The following TMC1 variants were observed in gnomAD, a reference collection of about 807,000 sequenced individuals.
The protein encoded by TMC1 is transmembrane channel-like protein 1.
Under a neutral mutation model 105.8 loss-of-function variants are expected in TMC1, and 84 were observed. That is an observed-to-expected ratio of 0.79 (90% confidence interval 0.67 to 0.95). TMC1 has a LOEUF of 0.95. TMC1 is among the 40% of genes least tolerant of loss of function. The probability of loss-of-function intolerance (pLI) is 0.00; values close to 1 mark genes in which losing one functional copy is unlikely to be tolerated. For missense variants in TMC1, 817 were observed against 914.1 expected, an observed-to-expected ratio of 0.89 and a Z score of 1.37; for synonymous variants, 315 against 311.5, an observed-to-expected ratio of 1.01 and a Z score of -0.12.
At chr9:72,771,122 G>A (rs747955291) in intron 12 of TMC1, among the ~76,000 whole-genome samples, 6 of 152,146 alleles carry the variant, frequency 3.9e-5, no homozygotes, top group Non-Finnish European at 8.8e-5. Context: ...AGGCCTGTGT[G>A]GCCCAGGGAA....
intron 1 of TMC1, among the ~76,000 whole-genome samples, chr9:72,571,097 C>A (rs981731971): frequency 6.8e-6 from 1 of 147,846 alleles, no homozygotes; most frequent in Non-Finnish European, 1.5e-5. Flanking sequence ...CCAAGGCAGG[C>A]GGATCATTTG....
intron 12 of TMC1, among the ~76,000 whole-genome samples, chr9:72,759,735 T>A (rs2118083696): frequency 6.6e-6 from 1 of 152,314 alleles, no homozygotes. Context: ...ATAGAGGTGC[T>A]CTTCGATATC....
chr9:72,539,092 C>A lies in TMC1; in HGVS notation c.-428+17179C>A, dbSNP rs58540111. 4.4e-3 allele frequency among the ~76,000 whole-genome samples: 466 copies of A among 106,732 alleles called. 5 individuals carry two copies. Among genetic ancestry groups the A allele is most frequent in the African/African-American group, 0.021 (449 of 21,432 alleles). The allele number at this position is 106,732 out of a possible 152,430, so 70.0% of individuals were successfully genotyped here. ...TGAATGCTGTGTTGCTTAGAAATTT[C>A]TTCTGCTGCTGGGCATGGTGACTCA... On this transcript the variant is annotated intron_variant, in intron 1 of 23. Transcript: ENST00000297784.
intron 2 of TMC1, among the ~76,000 whole-genome samples, chr9:72,601,342 C>T (rs1019384938): frequency 1.3e-5 from 2 of 150,796 alleles, no homozygotes. Context: ...CCTGTCTCTA[C>T]AAAAAATATT....
intron 10 of TMC1, among the ~76,000 whole-genome samples, chr9:72,743,368 C>CAAAAAAAA (rs57505302): frequency 9.1e-6 from 1 of 110,184 alleles, no homozygotes; most frequent in Non-Finnish European, 2.1e-5. Flanking sequence ...CTCCGTCTCA[C>CAAAAAAAA]AAAAAAAAAA....
At chr9:72,626,097 G>A (rs1274864891) in intron 3 of TMC1, among the ~76,000 whole-genome samples, 2 of 152,164 alleles carry the variant, frequency 1.3e-5, no homozygotes, top group East Asian at 3.9e-4. Flanking sequence ...AGCTAGTCAA[G>A]TCTTCCCAGC....
At chr9:72,587,310 C>T (rs1587975407) in intron 2 of TMC1, among the ~76,000 whole-genome samples, 1 of 152,204 alleles carries the variant, frequency 6.6e-6, no homozygotes, top group East Asian at 1.9e-4. Flanking sequence ...AGGCATGCGC[C>T]ACCACGCCCA....
chr9:72,747,795 C>T (rs1180041416), intron 10 of TMC1, among the ~76,000 whole-genome samples: 3 of 152,148 alleles, frequency 2.0e-5, no homozygotes, highest in African/African-American at 7.2e-5. Context: ...GGGGTTTCAA[C>T]ATGTTGACCA....
rs34028814 is a variant in TMC1, at chr9:72,672,823, AACACACACACAC to A, written c.17-15857_17-15846del. Reference sequence around the variant, plus strand: ...TCAGGAATTCGAGACAAGCCTGGGCAACACACACACACACACACACACACACACACACACACA... The same window carrying A: ...TCAGGAATTCGAGACAAGCCTGGGCAACACACACACACACACACACACACA... On this transcript the variant is annotated intron_variant, in intron 5 of 23. Transcript: ENST00000297784. Among the ~76,000 whole-genome samples the A allele has an allele frequency of 3.4e-4, 48 of 139,920 alleles. No homozygotes were observed. The Middle Eastern group carries it at 0.01, about 31-fold the overall frequency. The allele number at this position is 139,920 out of a possible 152,430, so 91.8% of individuals were successfully genotyped here. A position where few individuals can be genotyped will look rare whatever the true frequency, so the allele number is the denominator to read the frequency against.
chr9:72,798,022 G>A (rs1828402462), intron 17 of TMC1, among the ~76,000 whole-genome samples: 1 of 151,908 alleles, frequency 6.6e-6, no homozygotes, highest in Admixed American at 6.6e-5. Context: ...AAATTTACAA[G>A]AAAAAAACTG....
In TMC1 at chr9:72,805,426, C is replaced by T. The variant is rs777364081; in HGVS notation, c.1611C>T (p.Val537=). 21 of 1,613,776 alleles carry T rather than the reference C, an allele frequency of 1.3e-5. No individual in the cohort carries two copies. Among genetic ancestry groups the T allele is most frequent in the Non-Finnish European group, 1.6e-5 (19 of 1,179,942 alleles). Reference sequence around the variant, plus strand: ...TCTCTGATGTTCTGACCACCTACGTCACAATCCTCATTGGGGACTTTCTAA... The same window carrying T: ...TCTCTGATGTTCTGACCACCTACGTTACAATCCTCATTGGGGACTTTCTAA... ...LTVSDVLTTY[V]TILIGDFLRA... Residue 537 remains valine, a synonymous_variant, in exon 18 of 24, where the codon GTC becomes GTT. Coordinates refer to ENST00000297784, the MANE Select transcript of TMC1 (RefSeq NM_138691.3).
intron 1 of TMC1, among the ~76,000 whole-genome samples, chr9:72,530,819 A>G (rs529508788): frequency 1.6e-4 from 21 of 132,908 alleles, no homozygotes; most frequent in South Asian, 7.3e-4. Flanking sequence ...GTTTTCTGCC[A>G]TGATTTTTTT....
intron 10 of TMC1, among the ~76,000 whole-genome samples, chr9:72,750,364 T>G (rs1468312134): frequency 6.6e-6 from 1 of 152,162 alleles, no homozygotes; most frequent in Non-Finnish European, 1.5e-5. Context: ...ACTGAAGGTG[T>G]TTGTTGTTTT....
chr9:72,713,761 G>C (rs896826344), intron 8 of TMC1, among the ~76,000 whole-genome samples: 1 of 143,682 alleles, frequency 7.0e-6, no homozygotes, highest in Non-Finnish European at 1.5e-5. Context: ...TTGTATCTCT[G>C]TCTCCTTCAG....
intron 1 of TMC1, among the ~76,000 whole-genome samples, chr9:72,575,728 G>T (rs1824368265): frequency 6.6e-6 from 1 of 152,116 alleles, no homozygotes; most frequent in African/African-American, 2.4e-5. Context: ...CAGCTTTTGG[G>T]GTGGCCCTGG....
rs1193178742 is a variant in TMC1 at position 72,532,487 on chromosome 9, G to A, written c.-428+10574G>A. ...ATCTGGGAGGCAGAGGTTGCAGTGAGCCGAGATCGTGCCACTGTACTCCAG... is the reference window on the plus strand; with the variant it reads ...ATCTGGGAGGCAGAGGTTGCAGTGAACCGAGATCGTGCCACTGTACTCCAG... On this transcript the variant is annotated intron_variant, in intron 1 of 23. Coordinates refer to ENST00000297784, the MANE Select transcript of TMC1 (RefSeq NM_138691.3). Among the ~76,000 whole-genome samples the A allele has an allele frequency of 2.3e-5, 3 of 128,926 alleles. No homozygotes were observed. The Admixed American group carries it at 2.7e-4, about 12-fold the overall frequency. The allele number at this position is 128,926 out of a possible 152,430, so 84.6% of individuals were successfully genotyped here.
intron 14 of TMC1, 77 bp from the exon 15 acceptor site, chr9:72,789,046 G>A: frequency 7.1e-7 from 1 of 1,406,108 alleles, no homozygotes; most frequent in Non-Finnish European, 1.0e-6. Flanking sequence ...TAACTTTTGA[G>A]GTTTTGATAC....
chr9:72,569,142 T>G (rs920267651), intron 1 of TMC1, among the ~76,000 whole-genome samples: 2 of 152,230 alleles, frequency 1.3e-5, no homozygotes, highest in Admixed American at 1.3e-4. Flanking sequence ...AGTATTTGCA[T>G]ACAGCCTATG....
intron 5 of TMC1, among the ~76,000 whole-genome samples, chr9:72,685,362 AT>A (rs35423971): frequency 0.17 from 21,499 of 125,354 alleles, 1,697 homozygotes; most frequent in Non-Finnish European, 0.19. Context: ...CGCCTTGGCC[AT>A]TTTTTTTTTT....
Sources: allele counts gnomAD v4.1 joint callset (sites outside exome capture counted in the v4.1 genomes callset), GRCh38; gene constraint gnomAD v4.1.1; transcripts MANE v1.5; gene names NCBI Gene and HGNC (gene_info 2026-07-23, HGNC 2026-07-21).